MYO1E: variants seen among roughly 807,000 people sequenced by gnomAD.
The protein encoded by MYO1E is unconventional myosin-Ie.
MYO1E carries 68 observed loss-of-function variants against 151.1 expected under a neutral mutation model. The ratio of observed to expected loss-of-function variants is 0.45; its 90% CI spans 0.37 to 0.55. The LOEUF (loss-of-function observed/expected upper bound fraction) is 0.55, where lower values mean the gene tolerates loss of function less well. Among genes scored for constraint, MYO1E ranks in the 20% least tolerant of loss-of-function variants. The pLI is 0.00. For missense variants in MYO1E, 1,363 were observed against 1,389.3 expected (o/e 0.98, Z 0.30); for synonymous variants, 601 against 501.7 (o/e 1.20, Z -2.64).
chr15:59,210,694 G>GA, intron 12 of MYO1E, 94 bp from the exon 13 acceptor site: 2 of 830,726 alleles, frequency 2.4e-6, no homozygotes, highest in East Asian at 2.5e-5. Context: ...CCATAAAAGA[G>GA]AAAAACCTGA....
chr15:59,238,204 T>C (rs1469995328), intron 4 of MYO1E, among the ~76,000 whole-genome samples: 1 of 152,194 alleles, frequency 6.6e-6, no homozygotes, highest in Non-Finnish European at 1.5e-5. Context: ...AATTATCTTT[T>C]CAAATGGTTG....
At chr15:59,286,709 A>C (rs2080389752) in intron 1 of MYO1E, among the ~76,000 whole-genome samples, 1 of 152,202 alleles carries the variant, frequency 6.6e-6, no homozygotes, top group Non-Finnish European at 1.5e-5. Flanking sequence ...ACGCTGAACC[A>C]AATGCAGAAG....
intron 18 of MYO1E, 49 bp from the exon 19 acceptor site, chr15:59,178,586 TGGTTTTCTACCCG>T (rs2079639804): frequency 1.2e-6 from 2 of 1,601,902 alleles, no homozygotes; most frequent in Non-Finnish European, 8.5e-7. Context: ...GGGACCGCAC[TGGTTTTCTACCCG>T]GGCAAGGCAG....
chr15:59,246,683 T>C (rs926696549), intron 4 of MYO1E, among the ~76,000 whole-genome samples: 1 of 152,072 alleles, frequency 6.6e-6, no homozygotes, highest in Non-Finnish European at 1.5e-5. Flanking sequence ...AGGCCTGCTA[T>C]AATATAGAAA....
At chr15:59,367,788 C>T (rs2080922733) in intron 1 of MYO1E, among the ~76,000 whole-genome samples, 1 of 152,200 alleles carries the variant, frequency 6.6e-6, no homozygotes, top group African/African-American at 2.4e-5. Context: ...TAATCTGCAG[C>T]TGTGTTTGGC....
chr15:59,329,017 C>T (rs1054701638), intron 1 of MYO1E, among the ~76,000 whole-genome samples: 2 of 152,108 alleles, frequency 1.3e-5, no homozygotes, highest in African/African-American at 2.4e-5. Flanking sequence ...AGCTGCTTCA[C>T]GAAGATGACT....
chr15:59,280,125 A>C (rs1262210185), intron 1 of MYO1E, among the ~76,000 whole-genome samples: 3 of 152,172 alleles, frequency 2.0e-5, no homozygotes, highest in African/African-American at 7.2e-5. Flanking sequence ...TTGCAGATAT[A>C]GCAAACTTTT....
At chr15:59,295,618 C>T (rs1237264849) in intron 1 of MYO1E, among the ~76,000 whole-genome samples, 3 of 152,136 alleles carry the variant, frequency 2.0e-5, no homozygotes, top group Non-Finnish European at 2.9e-5. Context: ...GAAAATAATG[C>T]CACCTCGCAT....
intron 4 of MYO1E, among the ~76,000 whole-genome samples, chr15:59,251,218 A>C (rs1200970734): frequency 6.6e-6 from 1 of 152,194 alleles, no homozygotes; most frequent in African/African-American, 2.4e-5. Context: ...CTCCTCATAA[A>C]ATTTAACTTG....
intron 27 of MYO1E, 59 bp downstream of exon 27, chr15:59,138,139 C>A: frequency 1.3e-6 from 2 of 1,581,956 alleles, no homozygotes; most frequent in Non-Finnish European, 1.7e-6. Flanking sequence ...CTAGATCTTA[C>A]AGCAATGTGA....
chr15:59,314,680 C>T (rs1382990404), intron 1 of MYO1E, among the ~76,000 whole-genome samples: 1 of 152,064 alleles, frequency 6.6e-6, no homozygotes, highest in East Asian at 1.9e-4. Flanking sequence ...TGGATTCATT[C>T]TTGGTGGTCA....
At chr15:59,259,606 A>C (rs2080213911) in intron 3 of MYO1E, among the ~76,000 whole-genome samples, 1 of 152,212 alleles carries the variant, frequency 6.6e-6, no homozygotes, top group Non-Finnish European at 1.5e-5. Context: ...GGACTGTAAG[A>C]AAGACACGAA....
intron 9 of MYO1E, among the ~76,000 whole-genome samples, chr15:59,221,526 C>T (rs1489483090): frequency 6.6e-6 from 1 of 152,174 alleles, no homozygotes; most frequent in Non-Finnish European, 1.5e-5. Context: ...TGCATACCCC[C>T]TCAAGCCACG....
At chr15:59,149,291 C>T (rs1211351067) in intron 26 of MYO1E, among the ~76,000 whole-genome samples, 2 of 152,040 alleles carry the variant, frequency 1.3e-5, no homozygotes. Flanking sequence ...CTCCTGACCT[C>T]GTGATCCACC....
intron 1 of MYO1E, among the ~76,000 whole-genome samples, chr15:59,340,500 G>C (rs1224782164): frequency 2.0e-5 from 3 of 152,062 alleles, no homozygotes; most frequent in African/African-American, 7.3e-5. Flanking sequence ...AGTAATACTT[G>C]AGTTGGTTTT....
At chr15:59,359,357 C>T (rs12438936) in intron 1 of MYO1E, among the ~76,000 whole-genome samples, 138,106 of 148,422 alleles carry the variant, frequency 0.93, 64,938 homozygotes, top group East Asian at 1. Context: ...GGCATGGCAG[C>T]TCATGCCTGT....
intron 21 of MYO1E, among the ~76,000 whole-genome samples, chr15:59,172,674 C>T (rs1357545394): frequency 6.6e-6 from 1 of 152,186 alleles, no homozygotes; most frequent in Admixed American, 6.5e-5. Context: ...AGCAAGGATG[C>T]ACTACAGCAT....
chr15:59,275,875 C>T (rs1376415008), intron 1 of MYO1E, among the ~76,000 whole-genome samples: 2 of 152,210 alleles, frequency 1.3e-5, no homozygotes, highest in African/African-American at 4.8e-5. Flanking sequence ...AAACCATTTT[C>T]TGTTGCTGGG....
intron 22 of MYO1E, among the ~76,000 whole-genome samples, chr15:59,163,810 T>C (rs950546329): frequency 6.6e-6 from 1 of 152,238 alleles, no homozygotes; most frequent in Admixed American, 6.5e-5. Context: ...AGGTACTTAT[T>C]AAGAACCTTC....
Sources: allele counts gnomAD v4.1 joint callset (sites outside exome capture counted in the v4.1 genomes callset), GRCh38; gene constraint gnomAD v4.1.1; transcripts MANE v1.5; gene names NCBI Gene and HGNC (gene_info 2026-07-23, HGNC 2026-07-21).